UGT2B11: variants seen among roughly 807,000 people sequenced by gnomAD.
UGT2B11 encodes UDP-glucuronosyltransferase 2B11.
UGT2B11 carries 49 observed loss-of-function variants against 51.7 expected under a neutral mutation model. The observed-to-expected ratio is 0.95, with a 90% CI of 0.75 to 1.20. The LOEUF is 1.20. UGT2B11 is among the 50% of genes most tolerant of loss of function. UGT2B11 has a pLI of 0.00. For missense variants in UGT2B11, 810 were observed against 622.1 expected (o/e 1.30, Z -3.21); for synonymous variants, 273 against 209.0 (o/e 1.31, Z -2.64).
chr4:69,200,311 AAT>A lies in UGT2B11; in HGVS notation c.*127_*128del, dbSNP rs199875195. 8.5e-3 allele frequency: 8,493 copies of A among 998,618 alleles called. 1 individual carries two copies. The highest frequency in any genetic ancestry group is 9.2e-3 in the African/African-American group (493 of 53,584). The allele number at this position is 998,618 out of a possible 1,614,324, so 61.9% of individuals were successfully genotyped here. ...TTTTACTTGACAAGGTAGATTTGAA[AAT>A]TTTTTTTTTTTTTTTTTTTTTGTCA... is the stretch of plus-strand genomic sequence containing the variant. On this transcript the variant is annotated 3_prime_UTR_variant, in exon 6 of 6. Coordinates refer to ENST00000446444, the MANE Select transcript of UGT2B11 (RefSeq NM_001073.3).
chr4:69,220,324 GT>G, the UGT2B11 span, among the ~76,000 whole-genome samples: 2 of 152,112 alleles, frequency 1.3e-5, no homozygotes, highest in Non-Finnish European at 2.9e-5. Context: ...GGCATTGAAT[GT>G]CTGTGGTTTT....
At chr4:69,224,574 G>T in the UGT2B11 span, among the ~76,000 whole-genome samples, 1 of 152,110 alleles carries the variant, frequency 6.6e-6, no homozygotes, top group African/African-American at 2.4e-5. Context: ...GGACAGAATT[G>T]CAAGCCAAAG....
the UGT2B11 span, among the ~76,000 whole-genome samples, chr4:69,220,146 G>A: frequency 2.0e-5 from 3 of 152,136 alleles, no homozygotes; most frequent in Non-Finnish European, 4.4e-5. Flanking sequence ...CCGAAATCCA[G>A]GTAAGGCAAT....
the UGT2B11 span, among the ~76,000 whole-genome samples, chr4:69,221,626 C>CAAAG: frequency 6.6e-6 from 1 of 152,236 alleles, no homozygotes; most frequent in Non-Finnish European, 1.5e-5. Context: ...TGTGAAAGAG[C>CAAAG]AAAGTCTCCC....
At chr4:69,202,310 A>T (rs1342911383) in intron 5 of UGT2B11, among the ~76,000 whole-genome samples, 1 of 151,758 alleles carries the variant, frequency 6.6e-6, no homozygotes, top group Non-Finnish European at 1.5e-5. Flanking sequence ...AGAATTGCTG[A>T]GATAAAAGTG....
intron 2 of UGT2B11, among the ~76,000 whole-genome samples, chr4:69,211,999 C>G (rs1476486028): frequency 6.6e-6 from 1 of 151,354 alleles, no homozygotes; most frequent in Non-Finnish European, 1.5e-5. Flanking sequence ...TCTGCTTTCC[C>G]TTTTTGTCTG....
At chr4:69,201,542 T>G (rs978799433) in intron 5 of UGT2B11, among the ~76,000 whole-genome samples, 8 of 151,800 alleles carry the variant, frequency 5.3e-5, no homozygotes, top group African/African-American at 1.9e-4. Flanking sequence ...TCTTCTAGAT[T>G]GGCCTTCTAA....
In UGT2B11 at chr4:69,205,531, A is replaced by C. The variant is rs768129162; in HGVS notation, c.1039T>G (p.Leu347Val). The C allele has an allele frequency of 1.2e-6, 2 of 1,610,636 alleles. No individual in the cohort carries two copies. The highest frequency in any genetic ancestry group is 1.7e-6 in the Non-Finnish European group (2 of 1,177,920). ...WRFDGNKPDA[L>V]GLNTRLYKWI... is the part of the protein sequence containing the mutation. Reference sequence around the variant, plus strand: ...TTGTACAGCCGAGTATTGAGACCTAAGGCATCTGGTTTATTCCCGTCAAAT... The same window carrying C: ...TTGTACAGCCGAGTATTGAGACCTACGGCATCTGGTTTATTCCCGTCAAAT... The change falls in exon 4 of 6, where the codon TTA (leucine) becomes GTA (valine). Residue 347 changes from leucine (L) to valine (V), a missense_variant. Physicochemically the swap from Leu to Val is conservative, Grantham distance 32. Coordinates refer to ENST00000446444, the MANE Select transcript of UGT2B11 (RefSeq NM_001073.3).
At chr4:69,201,647 C>G (rs909588654) in intron 5 of UGT2B11, among the ~76,000 whole-genome samples, 2 of 151,722 alleles carry the variant, frequency 1.3e-5, no homozygotes, top group African/African-American at 4.8e-5. Context: ...TGCTACAACC[C>G]AAGGCATGTG....
At chr4:69,215,000 G>T, upstream of UGT2B11, 1 of 378,786 alleles carries the variant, frequency 2.6e-6, no homozygotes, top group Non-Finnish European at 4.6e-6. Context: ...CTTTATAATA[G>T]TGTCAAGAAC....
At chr4:69,211,751 T>A (rs561637325) in intron 2 of UGT2B11, among the ~76,000 whole-genome samples, 1 of 151,690 alleles carries the variant, frequency 6.6e-6, no homozygotes, top group African/African-American at 2.4e-5. Context: ...GTTAGCTCTT[T>A]ACAGTGTGGC....
chr4:69,212,476 C>T, intron 2 of UGT2B11, 97 bp downstream of exon 2: 1 of 1,545,928 alleles, frequency 6.5e-7, no homozygotes, highest in Non-Finnish European at 8.7e-7. Context: ...TCCCATCTTT[C>T]TTTCAGTGTA....
At chr4:69,216,994 T>G (rs1722290633), upstream of UGT2B11, among the ~76,000 whole-genome samples, 1 of 152,154 alleles carries the variant, frequency 6.6e-6, no homozygotes, top group African/African-American at 2.4e-5. Context: ...TAGCATCATT[T>G]CATGTTTCCT....
At chr4:69,200,748 C>T (rs534037516) in intron 5 of UGT2B11, 29 bp from the exon 6 acceptor site, 15 of 1,580,994 alleles carry the variant, frequency 9.5e-6, no homozygotes, top group South Asian at 4.7e-5. Flanking sequence ...GATACCAACA[C>T]TGAAAGTAAG....
intron 3 of UGT2B11, among the ~76,000 whole-genome samples, chr4:69,206,882 G>A (rs1291286490): frequency 6.6e-6 from 1 of 151,506 alleles, no homozygotes; most frequent in African/African-American, 2.4e-5. Context: ...ATTGGAGCCT[G>A]TTGTCCTTTG....
the UGT2B11 span, among the ~76,000 whole-genome samples, chr4:69,223,538 G>A: frequency 1.3e-5 from 2 of 152,196 alleles, no homozygotes; most frequent in Non-Finnish European, 2.9e-5. Context: ...TTCTGCCAAT[G>A]CATCCTACCT....
chr4:69,212,075 C>T (rs1360568372), intron 2 of UGT2B11, among the ~76,000 whole-genome samples: 1 of 151,470 alleles, frequency 6.6e-6, no homozygotes, highest in African/African-American at 2.4e-5. Flanking sequence ...TAATCAGTAA[C>T]TCCAGGATAC....
rs761989436 is a variant in UGT2B11, at chr4:69,214,434, A to G, written c.289T>C (p.Trp97Arg). Residue 97 changes from tryptophan (W) to arginine (R), a missense_variant, in exon 1 of 6, where the codon TGG becomes CGG. By Grantham distance (101) the Trp-to-Arg change is moderately radical (BLOSUM62 -3). Transcript: ENST00000446444. Reference protein sequence around the residue: ...ENIIMQQVKRWSDIRKDSFWL... With the variant: ...ENIIMQQVKRRSDIRKDSFWL... The stretch of plus-strand genomic sequence containing the variant: ...AAGCTATCTTTTCGAATGTCTGACC[A>G]TCTCTTAACCTGTTGCATGATGATA... 48 of 1,613,080 alleles carry G rather than the reference A, an allele frequency of 3.0e-5. No individual in the cohort carries two copies. Among genetic ancestry groups the G allele is most frequent in the Non-Finnish European group, 3.7e-5 (44 of 1,179,524 alleles).
chr4:69,208,626 A>G lies in UGT2B11; in HGVS notation c.871-144T>C, dbSNP rs1577963393. On this transcript the variant is annotated intron_variant, in intron 2 of 5. Transcript: ENST00000446444. The stretch of plus-strand genomic sequence containing the variant: ...ATAATATTTTTTAACTGAATCATTC[A>G]GTTTCTTTGCAAGAAGATGTTTGAG... 8.3e-6 allele frequency: 12 copies of G among 1,444,858 alleles called. No homozygotes were observed. In the East Asian group the frequency reaches 2.2e-4, roughly 26 times the overall value. The allele number at this position is 1,444,858 out of a possible 1,614,324, so 89.5% of individuals were successfully genotyped here. A position where few individuals can be genotyped will look rare whatever the true frequency, so the allele number is the denominator to read the frequency against.
Sources: allele counts gnomAD v4.1 joint callset (sites outside exome capture counted in the v4.1 genomes callset), GRCh38; gene constraint gnomAD v4.1.1; transcripts MANE v1.5; gene names NCBI Gene and HGNC (gene_info 2026-07-23, HGNC 2026-07-21).